The following COP1 variants were observed in gnomAD, a reference collection of about 807,000 sequenced individuals.
COP1 encodes COP1 E3 ubiquitin ligase, also known as E3 ubiquitin-protein ligase COP1.
In COP1, 24 loss-of-function variants were observed where a neutral mutation model predicts 101.3. That is an observed-to-expected ratio of 0.24 (90% CI 0.17 to 0.33). The LOEUF is 0.33. COP1 is among the 10% of genes least tolerant of loss of function. The pLI is 1.00. For missense variants in COP1, 663 were observed against 906.2 expected, an observed-to-expected ratio of 0.73 and a Z score of 3.45; for synonymous variants, 347 against 341.9, an observed-to-expected ratio of 1.01 and a Z score of -0.17.
At chr1:176,055,545 A>G (rs1673324907) in intron 11 of COP1, among the ~76,000 whole-genome samples, 1 of 152,176 alleles carries the variant, frequency 6.6e-6, no homozygotes, top group African/African-American at 2.4e-5. Flanking sequence ...TAGTCTCATG[A>G]CTTTCAATCT....
At chr1:175,972,017 G>A (rs1271332189) in intron 18 of COP1, among the ~76,000 whole-genome samples, 1 of 152,072 alleles carries the variant, frequency 6.6e-6, no homozygotes, top group Non-Finnish European at 1.5e-5. Flanking sequence ...AATTTCCACC[G>A]GTGGCTCCAA....
chr1:176,128,871 T>C (rs1002710787), intron 8 of COP1, among the ~76,000 whole-genome samples: 9 of 152,040 alleles, frequency 5.9e-5, no homozygotes, highest in African/African-American at 1.9e-4. Flanking sequence ...GCAGCAGACA[T>C]TGACAATGCA....
At chr1:176,117,786 T>A (rs1262666552) in intron 8 of COP1, among the ~76,000 whole-genome samples, 1 of 152,040 alleles carries the variant, frequency 6.6e-6, no homozygotes, top group Non-Finnish European at 1.5e-5. Flanking sequence ...TCCTAGCTAC[T>A]TGGGAGGCTG....
At chr1:176,118,782 A>C (rs1686627695) in intron 8 of COP1, among the ~76,000 whole-genome samples, 1 of 152,158 alleles carries the variant, frequency 6.6e-6, no homozygotes, top group African/African-American at 2.4e-5. Context: ...AAAAACAAAA[A>C]CAAAAACAAA....
At chr1:176,165,361 CGTGTGTGTGTGTGTGTGTGTGTGT>C (rs34291468) in intron 3 of COP1, among the ~76,000 whole-genome samples, 3 of 132,056 alleles carry the variant, frequency 2.3e-5, no homozygotes, top group Non-Finnish European at 4.8e-5. Flanking sequence ...AGATGTGTGT[CGTGTGTGTGTGTGTGTGTGTGTGT>C]GTGTGTGTGT....
chr1:175,997,064 G>T (rs1307750456), intron 15 of COP1, among the ~76,000 whole-genome samples: 1 of 150,926 alleles, frequency 6.6e-6, no homozygotes, highest in Non-Finnish European at 1.5e-5. Context: ...TAGATCAATG[G>T]AACAGAACAC....
chr1:176,091,293 G>A (rs965433474), intron 9 of COP1, among the ~76,000 whole-genome samples: 15 of 151,150 alleles, frequency 9.9e-5, no homozygotes, highest in African/African-American at 3.2e-4. Flanking sequence ...AGCTGAGATC[G>A]TGCCACTGTG....
chr1:175,959,884 T>A (rs1651122462), intron 18 of COP1, among the ~76,000 whole-genome samples: 1 of 152,196 alleles, frequency 6.6e-6, no homozygotes, highest in African/African-American at 2.4e-5. Context: ...TTCAGGGCTT[T>A]CTCAAAATGT....
chr1:175,967,049 A>G (rs1652154826), intron 18 of COP1, among the ~76,000 whole-genome samples: 1 of 152,228 alleles, frequency 6.6e-6, no homozygotes, highest in Non-Finnish European at 1.5e-5. Context: ...CCTTCCTTAC[A>G]AAATCTTAAA....
chr1:176,136,696 A>G (rs1342220724), intron 6 of COP1, 149 bp from the exon 7 acceptor site: 1 of 534,732 alleles, frequency 1.9e-6, no homozygotes, highest in African/African-American at 2.0e-5. Flanking sequence ...AGGGATAACC[A>G]TCAACAAAAT....
Position 176,162,767 on chromosome 1 carries a change from T to A in COP1, c.762+102A>T, listed in dbSNP as rs186216843. On this transcript the variant is annotated intron_variant, in intron 5 of 19. Transcript: ENST00000367669. ...CTGTTTCTAGCTGAGTAAAAATGAA[T>A]GGATTAGTGAAGCTATCCTATTATT... 12 of 932,496 alleles carry A rather than the reference T, an allele frequency of 1.3e-5. No individual in the cohort carries two copies. In the Admixed American group the frequency reaches 3.6e-4, roughly 28 times the overall value. The allele number at this position is 932,496 out of a possible 1,614,324, so 57.8% of individuals were successfully genotyped here.
intron 18 of COP1, among the ~76,000 whole-genome samples, chr1:175,957,855 T>C (rs1423239465): frequency 6.6e-6 from 1 of 152,146 alleles, no homozygotes; most frequent in East Asian, 1.9e-4. Flanking sequence ...AAGAAGGAAC[T>C]ACAGATACAG....
At chr1:175,993,336 C>T (rs893695779) in intron 15 of COP1, among the ~76,000 whole-genome samples, 3 of 152,194 alleles carry the variant, frequency 2.0e-5, no homozygotes, top group African/African-American at 7.2e-5. Flanking sequence ...AAGCAGAGTG[C>T]CTCTCCTCCT....
At chr1:176,179,740 A>T (rs1315996055) in intron 2 of COP1, among the ~76,000 whole-genome samples, 1 of 152,092 alleles carries the variant, frequency 6.6e-6, no homozygotes, top group African/African-American at 2.4e-5. Context: ...AGTCTCAAAA[A>T]CAGAAAAAAA....
chr1:176,134,865 G>T, intron 8 of COP1, 145 bp downstream of exon 8: 1 of 534,696 alleles, frequency 1.9e-6, no homozygotes, highest in Non-Finnish European at 3.4e-6. Context: ...GAAACAGATG[G>T]GCCATATGAA....
chr1:175,997,119 G>C (rs892591639), intron 15 of COP1, among the ~76,000 whole-genome samples: 7 of 151,860 alleles, frequency 4.6e-5, no homozygotes, highest in African/African-American at 7.3e-5. Context: ...TCTGATCTTT[G>C]ACAAACCTGA....
chr1:175,969,559 C>G (rs1652837628), intron 18 of COP1, among the ~76,000 whole-genome samples: 1 of 152,174 alleles, frequency 6.6e-6, no homozygotes, highest in African/African-American at 2.4e-5. Context: ...CTTTGTCCTC[C>G]AATCATACTT....
At chr1:175,969,706 G>A (rs576284465) in intron 18 of COP1, among the ~76,000 whole-genome samples, 5 of 152,250 alleles carry the variant, frequency 3.3e-5, no homozygotes, top group African/African-American at 7.2e-5. Context: ...AGAGGTCTCC[G>A]TCATGAATCA....
chr1:175,984,940 T>G (rs1023022679), intron 18 of COP1, among the ~76,000 whole-genome samples: 1 of 152,208 alleles, frequency 6.6e-6, no homozygotes, highest in Non-Finnish European at 1.5e-5. Flanking sequence ...AATTAACTGA[T>G]TTGCTGATGA....
Sources: gnomAD v4.1 joint callset for allele counts (sites outside exome capture counted in the v4.1 genomes callset) on GRCh38, gnomAD v4.1.1 for gene constraint, MANE v1.5 for transcripts, NCBI Gene and HGNC (gene_info 2026-07-23, HGNC 2026-07-21) for gene names.